HMCN2: variants seen among roughly 807,000 people sequenced by gnomAD.
HMCN2 encodes hemicentin 2.
A neutral mutation model predicts 377.5 loss-of-function variants in HMCN2; 325 were observed. The ratio of observed to expected loss-of-function variants is 0.86; its 90% CI spans 0.79 to 0.94. The LOEUF is 0.94. Ranked by LOEUF, HMCN2 falls within the 40% of genes least tolerant of loss-of-function variation. HMCN2 has a pLI of 0.00. For synonymous variants in HMCN2, 2,007 were observed against 2,046.8 expected (o/e 0.98, Z 0.53); for missense variants, 4,543 against 4,725.3 (o/e 0.96, Z 1.13).
chr9:130,323,312 G>A (rs1188080126), intron 19 of HMCN2, among the ~76,000 whole-genome samples: 1 of 152,120 alleles, frequency 6.6e-6, no homozygotes, highest in Non-Finnish European at 1.5e-5. Context: ...CCTGGCTTCT[G>A]GATTCCTCTC....
At chr9:130,386,370 G>C (rs1842021692) in intron 60 of HMCN2, 73 bp from the exon 61 acceptor site, 1 of 987,274 alleles carries the variant, frequency 1.0e-6, no homozygotes, top group African/African-American at 1.7e-5. Context: ...TGGGGGCCTA[G>C]ATGCTTTTGG....
At chr9:130,408,663 G>A in intron 83 of HMCN2, 80 bp from the exon 84 acceptor site, 6 of 1,057,244 alleles carry the variant, frequency 5.7e-6, no homozygotes, top group South Asian at 3.0e-5. Flanking sequence ...CAGGAGTTGG[G>A]CAGTCCTTTG....
chr9:130,339,744 C>T (rs989982550), intron 23 of HMCN2, among the ~76,000 whole-genome samples: 4 of 152,242 alleles, frequency 2.6e-5, no homozygotes, highest in Non-Finnish European at 2.9e-5. Flanking sequence ...CATCCACGCT[C>T]TCTGTGCTCC....
At chr9:130,283,051 A>G (rs1554926290) in intron 1 of HMCN2, among the ~76,000 whole-genome samples, 1 of 152,182 alleles carries the variant, frequency 6.6e-6, no homozygotes, top group Non-Finnish European at 1.5e-5. Flanking sequence ...AGCCTGGGCG[A>G]CAGAGCGAGA....
chr9:130,309,537 A>AAAT (rs1837101114), intron 14 of HMCN2, among the ~76,000 whole-genome samples: 1 of 141,240 alleles, frequency 7.1e-6, no homozygotes, highest in Admixed American at 7.1e-5. Flanking sequence ...AAAAAAAAAA[A>AAAT]GGAAAAAAAA....
chr9:130,359,354 G>A lies in HMCN2; in HGVS notation c.5713G>A (p.Ala1905Thr), dbSNP rs1186790041. Reference sequence around the variant, plus strand: ...CATCGAGCCAGGCCCAGTCAACAAGGCAGTGCTGGAAAATGCCTCAGTGAC... The same window carrying A: ...CATCGAGCCAGGCCCAGTCAACAAGACAGTGCTGGAAAATGCCTCAGTGAC... ...PNIEPGPVNK[A>T]VLENASVTLE... Residue 1905 changes from alanine to threonine, a missense_variant, in exon 37 of 98, where the codon GCA becomes ACA. Physicochemically the swap from Ala to Thr is moderately conservative, Grantham distance 58 (BLOSUM62 0). Around this residue, in one of 5 missense-constraint regions of HMCN2, gnomAD observed 1,032 missense variants for 1,285.1 expected, o/e 0.80. Transcript: ENST00000683500. The A allele has an allele frequency of 7.7e-7, 1 of 1,304,170 alleles. No homozygotes were observed. The highest frequency in any genetic ancestry group is 5.6e-5 in the East Asian group (1 of 17,994). The allele number at this position is 1,304,170 out of a possible 1,614,324, so 80.8% of individuals were successfully genotyped here.
At chr9:130,417,521 CAAAA>C (rs397893236) in intron 85 of HMCN2, among the ~76,000 whole-genome samples, 2 of 47,352 alleles carry the variant, frequency 4.2e-5, no homozygotes, top group African/African-American at 2.2e-4. Flanking sequence ...GACTCCGTCT[CAAAA>C]AAAAAAAAAA....
At chr9:130,420,065 C>CTTT (rs10586199) in intron 86 of HMCN2, among the ~76,000 whole-genome samples, 1,056 of 76,966 alleles carry the variant, frequency 0.014, 4 homozygotes, top group Non-Finnish European at 0.017. Flanking sequence ...CGTCCCACTT[C>CTTT]TTTTTTTTTT....
rs1839942678 is a variant in HMCN2, at chr9:130,354,928, C to T, written c.5030C>T (p.Thr1677Ile). 1.5e-6 allele frequency: 2 copies of T among 1,303,864 alleles called. No individual in the cohort carries two copies. The highest frequency in any genetic ancestry group is 2.0e-6 in the Non-Finnish European group (2 of 988,936). 80.8% of individuals were successfully genotyped at this position (1,303,864 alleles called of 1,614,324 possible). A position where few individuals can be genotyped will look rare whatever the true frequency, so the allele number is the denominator to read the frequency against. The change falls in exon 32 of 98, where the codon ACA becomes ATA. Residue 1677 changes from threonine to isoleucine, a missense_variant. By Grantham distance (89) the Thr-to-Ile change is moderately conservative. Around this residue, in one of 5 missense-constraint regions of HMCN2, gnomAD observed 1,032 missense variants for 1,285.1 expected, o/e 0.80. Transcript: ENST00000683500. ...GAGAGCAACGAGTCGCGGCTGGAGA[C>T]AGACGGGAGTGTGCTGAGGCTGGAG... ...VAESNESRLE[T>I]DGSVLRLESP...
chr9:130,317,681 G>T (rs1195117690), intron 15 of HMCN2, among the ~76,000 whole-genome samples: 2 of 148,286 alleles, frequency 1.3e-5, no homozygotes, highest in East Asian at 4.2e-4. Context: ...ATATTTTTTA[G>T]TAGAGACGGG....
intron 22 of HMCN2, among the ~76,000 whole-genome samples, chr9:130,331,993 C>G (rs1334712447): frequency 1.3e-5 from 2 of 152,230 alleles, no homozygotes; most frequent in Non-Finnish European, 2.9e-5. Flanking sequence ...GCCCACCCAC[C>G]CTTCTCCTGG....
chr9:130,418,148 T>A (rs1422423995), intron 85 of HMCN2, among the ~76,000 whole-genome samples: 2 of 152,202 alleles, frequency 1.3e-5, no homozygotes, highest in South Asian at 2.1e-4. Flanking sequence ...CTAACTGTCC[T>A]ATAGGAGAGG....
rs1312335079 is a variant in HMCN2 at position 130,428,270 on chromosome 9, C to A, written c.14066-88C>A. 2.1e-6 allele frequency: 3 copies of A among 1,414,276 alleles called. No individual in the cohort carries two copies. The highest frequency in any genetic ancestry group is 2.8e-6 in the Non-Finnish European group (3 of 1,074,014). 87.6% of individuals were successfully genotyped at this position (1,414,276 alleles called of 1,614,324 possible). A position where few individuals can be genotyped will look rare whatever the true frequency, so the allele number is the denominator to read the frequency against. ...GTGGCTCCTGGGCCTGCGGACGAAG[C>A]CTCTGTGGATAGGCCGGGCCAGGGT... On this transcript the variant is annotated intron_variant, in intron 92 of 97. Coordinates refer to ENST00000683500, the MANE Select transcript of HMCN2 (RefSeq NM_001291815.2). This position sits in a 1 kb window ranked among gnomAD's most constrained non-coding sequence, Gnocchi z 5.0.
chr9:130,342,042 A>AATAAATAG (rs1839082571), intron 24 of HMCN2, among the ~76,000 whole-genome samples: 1 of 149,888 alleles, frequency 6.7e-6, no homozygotes, highest in Admixed American at 6.6e-5. Flanking sequence ...TAAATAAATA[A>AATAAATAG]ATAAATAAAT....
In HMCN2 at chr9:130,428,664, C is replaced by T. The variant is rs1464979868; in HGVS notation, c.14197+175C>T. On this transcript the variant is annotated intron_variant, in intron 93 of 97. Coordinates refer to ENST00000683500, the MANE Select transcript of HMCN2 (RefSeq NM_001291815.2). This position sits in a 1 kb window ranked among gnomAD's most constrained non-coding sequence, Gnocchi z 5.0. ...AAAGCCTGCGCCAGGCTCTGGAGGT[C>T]TGAGCCCTCCCCTGGCTCCTGGCAG... Among the ~76,000 whole-genome samples the T allele has an allele frequency of 6.6e-6, 1 of 152,194 alleles. No individual in the cohort carries two copies. Among genetic ancestry groups the T allele is most frequent in the Non-Finnish European group, 1.5e-5 (1 of 68,030 alleles).
chr9:130,377,301 G>C (rs945458517), intron 52 of HMCN2, among the ~76,000 whole-genome samples: 3 of 151,882 alleles, frequency 2.0e-5, no homozygotes, highest in Non-Finnish European at 2.9e-5. Flanking sequence ...TTTTAGTAGA[G>C]ATGGGGCTTC....
chr9:130,319,964 A>G (rs1446788745), intron 16 of HMCN2, among the ~76,000 whole-genome samples: 2 of 152,128 alleles, frequency 1.3e-5, no homozygotes, highest in Non-Finnish European at 2.9e-5. Context: ...AATCTGTACA[A>G]AGTGCTTAGC....
chr9:130,294,430 C>T (rs1307374774), intron 4 of HMCN2, among the ~76,000 whole-genome samples: 1 of 152,186 alleles, frequency 6.6e-6, no homozygotes, highest in Non-Finnish European at 1.5e-5. Flanking sequence ...GGGAACGTGG[C>T]GCCCTGGTGG....
chr9:130,281,222 G>T (rs559464511), intron 1 of HMCN2, among the ~76,000 whole-genome samples: 5 of 152,090 alleles, frequency 3.3e-5, no homozygotes, highest in African/African-American at 1.2e-4. Context: ...CTCTGTTCTT[G>T]AGGTCATCCG....
Sources: gnomAD v4.1 joint callset for allele counts (sites outside exome capture counted in the v4.1 genomes callset) on GRCh38, gnomAD v4.1.1 for gene constraint, gnomAD v4.1.1 regional missense constraint, Gnocchi (gnomAD v3.1) non-coding constraint, MANE v1.5 for transcripts, NCBI Gene and HGNC (gene_info 2026-07-23, HGNC 2026-07-21) for gene names.